The following GLDC variants were observed in gnomAD, a reference collection of about 807,000 sequenced individuals.
GLDC encodes the protein glycine decarboxylase.
In GLDC, 104 loss-of-function variants were observed where a neutral mutation model predicts 121.3. The observed-to-expected ratio is 0.86, with a 90% CI of 0.73 to 1.01. GLDC has a LOEUF of 1.01. GLDC is among the 50% of genes least tolerant of loss of function. GLDC has a pLI of 0.00. For missense variants in GLDC, 1,429 were observed against 1,306.6 expected (o/e 1.09, Z -1.44); for synonymous variants, 546 against 480.6 (o/e 1.14, Z -1.78).
intron 21 of GLDC, chr9:6,541,483 G>C (rs1283551109): frequency 6.6e-6 from 1 of 152,162 alleles, no homozygotes; most frequent in African/African-American, 2.4e-5. Flanking sequence ...AATAGCCCCT[G>C]AAGACAGTCT....
intron 16 of GLDC, among the ~76,000 whole-genome samples, chr9:6,562,224 T>A (rs1817772630): frequency 6.6e-6 from 1 of 152,204 alleles, no homozygotes; most frequent in Non-Finnish European, 1.5e-5. Flanking sequence ...ATTTGTATTC[T>A]CCCAAAGTAA....
chr9:6,619,096 T>A (rs569661053), intron 3 of GLDC, among the ~76,000 whole-genome samples: 1 of 125,376 alleles, frequency 8.0e-6, no homozygotes, highest in South Asian at 2.5e-4. Flanking sequence ...TGAGCCAAGA[T>A]CATCCCACTG....
intron 11 of GLDC, among the ~76,000 whole-genome samples, chr9:6,591,581 T>A (rs1818375267): frequency 6.6e-6 from 1 of 152,266 alleles, no homozygotes; most frequent in Admixed American, 6.5e-5. Context: ...TAGAGGCAGT[T>A]TCTTTCTTTT....
chr9:6,537,573 G>C (rs746098419), intron 22 of GLDC, among the ~76,000 whole-genome samples: 1 of 152,196 alleles, frequency 6.6e-6, no homozygotes, highest in Non-Finnish European at 1.5e-5. Flanking sequence ...TTAAGCCCAG[G>C]AGTTTGAGAC....
chr9:6,643,393 C>CA (rs1223889256), intron 2 of GLDC, among the ~76,000 whole-genome samples: 1 of 150,604 alleles, frequency 6.6e-6, no homozygotes, highest in Non-Finnish European at 1.5e-5. Context: ...TGTCCACCTT[C>CA]AAACAAAATA....
At chr9:6,625,236 C>T (rs900736547) in intron 2 of GLDC, among the ~76,000 whole-genome samples, 15 of 152,018 alleles carry the variant, frequency 9.9e-5, no homozygotes, top group African/African-American at 3.4e-4. Context: ...AAACCAGCAC[C>T]GCCAGTTATC....
In GLDC at chr9:6,595,011, C is replaced by T. The variant is rs763285478; in HGVS notation, c.1261+3G>A. 3.9e-6 allele frequency: 6 copies of T among 1,544,660 alleles called. No individual in the cohort carries two copies. The South Asian group carries it at 5.6e-5, about 14-fold the overall frequency. On this transcript the variant is annotated splice_donor_region_variant and intron_variant, in intron 9 of 24. Coordinates refer to ENST00000321612, the MANE Select transcript of GLDC (RefSeq NM_000170.3). ...AAATGTTTTAGACAGATTACCAACT[C>T]ACCTTCTGACAAAATCAAAGTGGCA...
At chr9:6,623,657 G>T (rs1295740703) in intron 2 of GLDC, among the ~76,000 whole-genome samples, 1 of 152,118 alleles carries the variant, frequency 6.6e-6, no homozygotes, top group Non-Finnish European at 1.5e-5. Context: ...CTTTGCCACA[G>T]TAGAGTAAGG....
At chr9:6,581,150 C>T (rs1489987754) in intron 15 of GLDC, among the ~76,000 whole-genome samples, 1 of 152,158 alleles carries the variant, frequency 6.6e-6, no homozygotes, top group African/African-American at 2.4e-5. Context: ...AAATGAAGAA[C>T]AAGTGTTGCT....
chr9:6,591,720 G>A, intron 11 of GLDC: 1 of 231,260 alleles, frequency 4.3e-6, no homozygotes, highest in Non-Finnish European at 8.6e-6. Flanking sequence ...GAGTAACTGG[G>A]ATTACAGGTA....
chr9:6,629,929 C>CTATATA (rs771840710), intron 2 of GLDC, among the ~76,000 whole-genome samples: 1 of 102,150 alleles, frequency 9.8e-6, no homozygotes, highest in Non-Finnish European at 1.8e-5. Context: ...TTGCTTTTCA[C>CTATATA]TATATATATA....
intron 21 of GLDC, chr9:6,542,008 G>C (rs952364959): frequency 6.6e-6 from 1 of 151,650 alleles, no homozygotes; most frequent in Non-Finnish European, 1.5e-5. Flanking sequence ...TTGCGAGGCC[G>C]AGGCGGGCGG....
At chr9:6,564,312 T>A (rs1382348285) in intron 16 of GLDC, among the ~76,000 whole-genome samples, 1 of 151,818 alleles carries the variant, frequency 6.6e-6, no homozygotes, top group Non-Finnish European at 1.5e-5. Context: ...ACCTGTGGAA[T>A]CAGGATGAAC....
At chr9:6,558,216 C>T (rs1001272529) in intron 17 of GLDC, 2 of 539,794 alleles carry the variant, frequency 3.7e-6, no homozygotes, top group Non-Finnish European at 6.6e-6. Context: ...TGTTACAATT[C>T]CTGACACGAA....
intron 14 of GLDC, 49 bp from the exon 15 acceptor site, chr9:6,587,332 T>C (rs1484771901): frequency 6.8e-6 from 9 of 1,316,556 alleles, no homozygotes; most frequent in African/African-American, 1.5e-5. Flanking sequence ...ATAATAGCAA[T>C]AGCAATAATA....
intron 18 of GLDC, 21 bp downstream of exon 18, chr9:6,556,132 G>T: frequency 3.1e-6 from 5 of 1,598,838 alleles, no homozygotes; most frequent in Admixed American, 1.7e-5. Flanking sequence ...GGAACTAAGG[G>T]CGGGCCTCTT....
chr9:6,619,145 G>GAAAAAAAA lies in GLDC; in HGVS notation c.470+1038_470+1039insTTTTTTTT, dbSNP rs1563864174. Among the ~76,000 whole-genome samples the GAAAAAAAA allele has an allele frequency of 2.0e-3, 61 of 30,194 alleles. 3 individuals are homozygous for GAAAAAAAA. The highest frequency in any genetic ancestry group is 7.9e-3 in the African/African-American group (52 of 6,572). 19.8% of individuals were successfully genotyped at this position (30,194 alleles called of 152,430 possible). A position where few individuals can be genotyped will look rare whatever the true frequency, so the allele number is the denominator to read the frequency against. ...GCAACAGAGTGAGACTCTGTCTCAG[G>GAAAAAAAA]CAAAAAAAAAAAAAAAAAAAAAAAA... On this transcript the variant is annotated intron_variant, in intron 3 of 24. Coordinates refer to ENST00000321612, the MANE Select transcript of GLDC (RefSeq NM_000170.3).
In GLDC at chr9:6,606,626, G is replaced by T; in HGVS notation, c.679C>A (p.Pro227Thr). 1 of 1,609,350 alleles carries T rather than the reference G, an allele frequency of 6.2e-7. No homozygotes were observed. Among genetic ancestry groups the T allele is most frequent in the African/African-American group, 1.3e-5 (1 of 74,754 alleles). ...RKFLVDPRCH[P>T]QTIAVVQTRA... is the part of the protein sequence containing the mutation. ...GTCTGGACAACAGCTATTGTCTGTG[G>T]GTGGCAACGGGGATCAACGAGAAAT... The change falls in exon 5 of 25, where the codon CCA becomes ACA. Residue 227 changes from proline (P) to threonine (T), a missense_variant. Physicochemically the swap from Pro to Thr is conservative, Grantham distance 38. Transcript: ENST00000321612.
intron 15 of GLDC, among the ~76,000 whole-genome samples, chr9:6,569,933 G>T (rs1316966123): frequency 6.6e-6 from 1 of 150,972 alleles, no homozygotes; most frequent in Non-Finnish European, 1.5e-5. Context: ...GTAAGATCGC[G>T]CCACTGCACT....
Sources: gnomAD v4.1 joint callset for allele counts (sites outside exome capture counted in the v4.1 genomes callset) on GRCh38, gnomAD v4.1.1 for gene constraint, MANE v1.5 for transcripts, NCBI Gene and HGNC (gene_info 2026-07-23, HGNC 2026-07-21) for gene names.